The following ZFAND4 variants were observed in gnomAD, a reference collection of about 807,000 sequenced individuals.
ZFAND4 encodes zinc finger AN1-type containing 4, also known as AN1-type zinc finger protein 4.
A neutral mutation model predicts 64.4 loss-of-function variants in ZFAND4; 43 were observed. The ratio of observed to expected loss-of-function variants is 0.67; its 90% CI spans 0.52 to 0.86. The LOEUF (loss-of-function observed/expected upper bound fraction) is 0.86, where lower values mean the gene tolerates loss of function less well. Ranked by LOEUF, ZFAND4 falls within the 40% of genes least tolerant of loss-of-function variation. ZFAND4 has a pLI of 0.00. For missense variants in ZFAND4, 929 were observed against 859.8 expected (o/e 1.08, Z -1.01); for synonymous variants, 296 against 305.7 (o/e 0.97, Z 0.33).
chr10:45,654,739 C>T (rs1470010982), intron 2 of ZFAND4, among the ~76,000 whole-genome samples: 1 of 151,452 alleles, frequency 6.6e-6, no homozygotes, highest in Non-Finnish European at 1.5e-5. Context: ...TTTAAAGCAA[C>T]AATATTACAA....
intron 8 of ZFAND4, among the ~76,000 whole-genome samples, chr10:45,623,207 G>A (rs879770729): frequency 1.3e-5 from 2 of 152,150 alleles, no homozygotes; most frequent in African/African-American, 2.4e-5. Context: ...AAAACAATAT[G>A]ACGGTTCCTC....
At chr10:45,651,868 A>G in intron 4 of ZFAND4, 98 bp downstream of exon 4, 1 of 1,065,840 alleles carries the variant, frequency 9.4e-7, no homozygotes, top group Non-Finnish European at 1.4e-6. Context: ...AAGACCTAAT[A>G]GCAGAAAGGA....
In ZFAND4 at chr10:45,633,951, T is replaced by A. The variant is rs534857848; in HGVS notation, c.717+5865A>T. 8.5e-5 allele frequency among the ~76,000 whole-genome samples: 13 copies of A among 152,298 alleles called. 1 individual carries two copies. The East Asian group carries it at 1.9e-3, about 23-fold the overall frequency. ...GCATCATTCTTGATTGGATCCCAGA[T>A]TAAAAACAATATAAAATGCTATTAA... On this transcript the variant is annotated intron_variant, in intron 6 of 9. Coordinates refer to ENST00000344646, the MANE Select transcript of ZFAND4 (RefSeq NM_174890.4).
chr10:45,649,721 C>A (rs2047634359), intron 4 of ZFAND4: 1 of 152,200 alleles, frequency 6.6e-6, no homozygotes, highest in Non-Finnish European at 1.5e-5. Flanking sequence ...ACTTTTCAAA[C>A]AAGTTCTTGC....
At chr10:45,654,355 T>C (rs972651758) in intron 2 of ZFAND4, among the ~76,000 whole-genome samples, 2 of 152,256 alleles carry the variant, frequency 1.3e-5, no homozygotes, top group African/African-American at 4.8e-5. Flanking sequence ...GCACAGTAGC[T>C]CATGCCTGTA....
intron 1 of ZFAND4, among the ~76,000 whole-genome samples, chr10:45,667,462 T>C (rs112681475): frequency 5.6e-4 from 76 of 134,714 alleles, no homozygotes; most frequent in Non-Finnish European, 1.0e-3. Context: ...TTCTTTCTTT[T>C]TTTTTTTTTT....
At chr10:45,643,201 T>C (rs1203253369) in intron 5 of ZFAND4, among the ~76,000 whole-genome samples, 1 of 151,150 alleles carries the variant, frequency 6.6e-6, no homozygotes, top group Non-Finnish European at 1.5e-5. Context: ...ATTACAGGCA[T>C]GAGCCACCAC....
At chr10:45,650,078 T>A (rs2047661567) in intron 4 of ZFAND4, 1 of 152,222 alleles carries the variant, frequency 6.6e-6, no homozygotes, top group South Asian at 2.1e-4. Context: ...GCTGCTTTGA[T>A]AATAGTTATT....
At chr10:45,657,796 C>T (rs1186726400) in intron 2 of ZFAND4, among the ~76,000 whole-genome samples, 1 of 151,952 alleles carries the variant, frequency 6.6e-6, no homozygotes, top group African/African-American at 2.4e-5. Flanking sequence ...TGATAAGTCT[C>T]AAACATATTA....
rs79395529 is a variant in ZFAND4, at chr10:45,619,467, T to C, written c.1928-1207A>G. Among the ~76,000 whole-genome samples the C allele has an allele frequency of 5.4e-3, 822 of 152,130 alleles. 20 individuals carry two copies. The East Asian group carries it at 0.076, about 14-fold the overall frequency. ...ATAGTTGATAAAGTAACAGTACAAA[T>C]ACACATGTGCTTGGTGTCACACAAA... On this transcript the variant is annotated intron_variant, in intron 8 of 9. Coordinates refer to ENST00000344646, the MANE Select transcript of ZFAND4 (RefSeq NM_174890.4).
chr10:45,631,599 T>C (rs2046228643), intron 6 of ZFAND4, among the ~76,000 whole-genome samples: 1 of 152,102 alleles, frequency 6.6e-6, no homozygotes, highest in Non-Finnish European at 1.5e-5. Flanking sequence ...GATTTCTCAA[T>C]GGCAATATAA....
At chr10:45,649,487 C>T (rs893947263) in intron 4 of ZFAND4, among the ~76,000 whole-genome samples, 2 of 152,138 alleles carry the variant, frequency 1.3e-5, no homozygotes, top group African/African-American at 2.4e-5. Context: ...TTAACAGAAT[C>T]GTGGTGCTCT....
chr10:45,663,330 T>C (rs1289086142), intron 2 of ZFAND4, among the ~76,000 whole-genome samples: 1 of 152,224 alleles, frequency 6.6e-6, no homozygotes, highest in Non-Finnish European at 1.5e-5. Context: ...GCCAGGGATT[T>C]GTTTCCAAAG....
intron 6 of ZFAND4, among the ~76,000 whole-genome samples, chr10:45,635,221 AAAAC>A (rs1475045511): frequency 1.4e-5 from 2 of 138,970 alleles, no homozygotes; most frequent in African/African-American, 2.6e-5. Flanking sequence ...AAACAAAAAA[AAAAC>A]AAACAAAAAA....
intron 5 of ZFAND4, among the ~76,000 whole-genome samples, chr10:45,641,270 CA>C (rs1456786423): frequency 2.0e-5 from 3 of 152,090 alleles, no homozygotes; most frequent in Non-Finnish European, 2.9e-5. Context: ...ATTTGGAAAA[CA>C]ATTAAGACTT....
chr10:45,651,349 A>C (rs1016316399), intron 4 of ZFAND4: 1 of 294,020 alleles, frequency 3.4e-6, no homozygotes, highest in Non-Finnish European at 6.9e-6. Flanking sequence ...AACCATTAGG[A>C]GTTACATCGA....
chr10:45,662,625 G>A, intron 2 of ZFAND4: 2 of 985,436 alleles, frequency 2.0e-6, no homozygotes, highest in Non-Finnish European at 2.4e-6. Flanking sequence ...ATTACTGAAT[G>A]TGCTGATGTG....
chr10:45,646,165 G>A (rs1368746985), intron 5 of ZFAND4, among the ~76,000 whole-genome samples: 2 of 152,134 alleles, frequency 1.3e-5, no homozygotes, highest in Non-Finnish European at 2.9e-5. Context: ...GGTACAAACA[G>A]AAGAAAAGTA....
At chr10:45,666,875 T>C (rs2048859527) in intron 1 of ZFAND4, among the ~76,000 whole-genome samples, 1 of 152,232 alleles carries the variant, frequency 6.6e-6, no homozygotes, top group African/African-American at 2.4e-5. Flanking sequence ...CCTATGCCAG[T>C]ACCACCACAT....
Sources: gnomAD v4.1 joint callset for allele counts (sites outside exome capture counted in the v4.1 genomes callset) on GRCh38, gnomAD v4.1.1 for gene constraint, MANE v1.5 for transcripts, NCBI Gene and HGNC (gene_info 2026-07-23, HGNC 2026-07-21) for gene names.